Variants in APIP observed in about 807,000 individuals in gnomAD.
The protein encoded by APIP is methylthioribulose-1-phosphate dehydratase.
APIP carries 32 observed loss-of-function variants against 32.0 expected under a neutral mutation model. The observed-to-expected ratio is 1.00, with a 90% CI of 0.76 to 1.34. APIP has a LOEUF of 1.34. Among genes scored for constraint, APIP ranks in the 40% most tolerant of loss-of-function variants. APIP has a pLI of 0.00. For missense variants in APIP, 247 were observed against 298.6 expected (o/e 0.83, Z 1.27); for synonymous variants, 92 against 94.8 (o/e 0.97, Z 0.17).
rs774319216 is a variant in APIP, at chr11:34,882,805, T to C, written c.641A>G (p.Tyr214Cys). 2.1e-5 allele frequency: 33 copies of C among 1,605,770 alleles called. No homozygotes were observed. The East Asian group carries it at 7.2e-4, about 35-fold the overall frequency. Residue 214 changes from tyrosine to cysteine, a missense_variant, in exon 7 of 7, where the codon TAT becomes TGT. Tyr to Cys is a radical substitution (Grantham distance 194). Transcript: ENST00000395787. ...TACGGCAATATCAAATAAATAGTCATAACACTCACACCTGTAAAAGAAAAA... is the reference window on the plus strand; with the variant it reads ...TACGGCAATATCAAATAAATAGTCACAACACTCACACCTGTAAAAGAAAAA... ...WEKAKTMCECYDYLFDIAVSM... is the reference protein window; with the variant it reads ...WEKAKTMCECCDYLFDIAVSM...
intron 2 of APIP, among the ~76,000 whole-genome samples, chr11:34,894,363 T>C (rs1203158069): frequency 6.6e-6 from 1 of 150,462 alleles, no homozygotes; most frequent in Non-Finnish European, 1.5e-5. Flanking sequence ...GTCATCTGTA[T>C]TTAAGTGACT....
intron 1 of APIP, among the ~76,000 whole-genome samples, chr11:34,898,884 C>T (rs1161712186): frequency 2.7e-5 from 4 of 150,414 alleles, no homozygotes; most frequent in East Asian, 2.0e-4. Context: ...CTGCAAGCTC[C>T]GCCTCCCGGG....
intron 5 of APIP, among the ~76,000 whole-genome samples, chr11:34,888,038 T>A (rs1430951741): frequency 2.0e-5 from 3 of 152,094 alleles, no homozygotes; most frequent in Non-Finnish European, 4.4e-5. Context: ...TCAGTCAAGA[T>A]TTTTTTCAGT....
chr11:34,909,033 T>C (rs1417434347), intron 1 of APIP, among the ~76,000 whole-genome samples: 1 of 152,050 alleles, frequency 6.6e-6, no homozygotes, highest in Non-Finnish European at 1.5e-5. Flanking sequence ...AAGGCAGTGG[T>C]CAAGAAAGCA....
chr11:34,888,293 C>T lies in APIP; in HGVS notation c.461G>A (p.Arg154Lys). 1 of 1,581,442 alleles carries T rather than the reference C, an allele frequency of 6.3e-7. No homozygotes were observed. Among genetic ancestry groups the T allele is most frequent in the Non-Finnish European group, 8.6e-7 (1 of 1,168,702 alleles). ...IKKCTSGGYY[R>K]YDDMLVVPII... ...TTTAAGAAAAAGGAAAAAAAAATAC[C>T]TATAATACCCTCCGGAAGTACATTT... The change falls in exon 5 of 7, where the codon AGA (arginine) becomes AAA (lysine). Residue 154 changes from arginine (R) to lysine (K), a missense_variant and splice_region_variant. Coordinates refer to ENST00000395787, the MANE Select transcript of APIP (RefSeq NM_015957.4).
rs1454015803 is a variant in APIP, at chr11:34,888,539, T to C, written c.326-111A>G. The C allele has an allele frequency of 3.4e-6, 5 of 1,454,286 alleles. No individual in the cohort carries two copies. In the African/African-American group the frequency reaches 5.8e-5, roughly 17 times the overall value. The allele number at this position is 1,454,286 out of a possible 1,614,324, so 90.1% of individuals were successfully genotyped here. A position where few individuals can be genotyped will look rare whatever the true frequency, so the allele number is the denominator to read the frequency against. On this transcript the variant is annotated intron_variant, in intron 4 of 6. Coordinates refer to ENST00000395787, the MANE Select transcript of APIP (RefSeq NM_015957.4). ...ATTTACATATGGTTATGGGCTTATT[T>C]TTCCTGGCATGGAATAAGTTGGTAG...
chr11:34,898,786 G>GTTTTTTTTTTTTTTTTTTT (rs57593563), intron 1 of APIP, among the ~76,000 whole-genome samples: 2 of 55,166 alleles, frequency 3.6e-5, no homozygotes, highest in African/African-American at 1.7e-4. Context: ...TCTTTCTTTG[G>GTTTTTTTTTTTTTTTTTTT]TTTTTTTTTT....
intron 2 of APIP, among the ~76,000 whole-genome samples, chr11:34,891,925 A>G (rs1023193373): frequency 6.6e-6 from 1 of 152,172 alleles, no homozygotes; most frequent in Non-Finnish European, 1.5e-5. Context: ...ACCTCCACAG[A>G]TAAGTGGACT....
intron 1 of APIP, among the ~76,000 whole-genome samples, chr11:34,907,921 T>C (rs1853483810): frequency 6.6e-6 from 1 of 152,168 alleles, no homozygotes; most frequent in Admixed American, 6.5e-5. Flanking sequence ...GTCTCCGAGA[T>C]ACTACTCACA....
At chr11:34,915,238 C>T (rs552094572) in intron 1 of APIP, among the ~76,000 whole-genome samples, 1 of 152,198 alleles carries the variant, frequency 6.6e-6, no homozygotes, top group Non-Finnish European at 1.5e-5. Flanking sequence ...CAGGAACGAT[C>T]TCCAGTTACC....
At chr11:34,902,633 T>C (rs1226017567) in intron 1 of APIP, among the ~76,000 whole-genome samples, 1 of 152,154 alleles carries the variant, frequency 6.6e-6, no homozygotes, top group East Asian at 1.9e-4. Flanking sequence ...TATGGTGAAA[T>C]AGCCCGTCCA....
intron 1 of APIP, among the ~76,000 whole-genome samples, chr11:34,911,174 G>A (rs1444479502): frequency 6.6e-6 from 1 of 152,080 alleles, no homozygotes; most frequent in Non-Finnish European, 1.5e-5. Flanking sequence ...AGAAGGATAT[G>A]ACCATGGGAA....
chr11:34,883,612 GA>G, intron 5 of APIP, 108 bp from the exon 6 acceptor site: 2 of 1,078,006 alleles, frequency 1.9e-6, no homozygotes, highest in Non-Finnish European at 2.6e-6. Flanking sequence ...GTTTGTGTCT[GA>G]AAAGCCACTC....
chr11:34,913,820 G>A (rs150491577), intron 1 of APIP, among the ~76,000 whole-genome samples: 6 of 152,260 alleles, frequency 3.9e-5, no homozygotes, highest in East Asian at 1.9e-4. Context: ...ACAGAGCGCC[G>A]ATTGGTGCAT....
chr11:34,888,801 T>G lies in APIP; in HGVS notation c.276A>C (p.Leu92=). ...DISGPSPSKK[L]KKSQCTPLFM... is the part of the protein sequence containing the mutation. ...AAAGAGGAGTACACTGGCTTTTTTT[T>G]AGCTTCTTCGATGGCGAAGGTCCAC... Residue 92 remains leucine, a synonymous_variant, in exon 4 of 7, where the codon CTA becomes CTC. Transcript: ENST00000395787. The G allele has an allele frequency of 6.6e-7, 1 of 1,521,008 alleles. No homozygotes were observed. Among genetic ancestry groups the G allele is most frequent in the East Asian group, 2.6e-5 (1 of 38,428 alleles). 94.2% of individuals were successfully genotyped at this position (1,521,008 alleles called of 1,614,324 possible).
intron 1 of APIP, among the ~76,000 whole-genome samples, chr11:34,897,959 T>C (rs1052535033): frequency 6.6e-6 from 1 of 152,098 alleles, no homozygotes; most frequent in Non-Finnish European, 1.5e-5. Flanking sequence ...CTCTCTCTGC[T>C]TGGAGCCACC....
chr11:34,888,984 C>T (rs1853138361), intron 3 of APIP, 115 bp from the exon 4 acceptor site: 1 of 497,696 alleles, frequency 2.0e-6, no homozygotes, highest in African/African-American at 2.0e-5. Context: ...CTATAGTATA[C>T]ATACTTGTGT....
chr11:34,891,048 TTCTTAAATTACTGTATTA>T (rs1367643908), intron 2 of APIP, among the ~76,000 whole-genome samples: 5 of 152,142 alleles, frequency 3.3e-5, no homozygotes, highest in Non-Finnish European at 1.5e-5. Flanking sequence ...GCTGGACAGT[TTCTTAAATTACTGTATTA>T]ACACTGGGCT....
At chr11:34,898,182 A>G (rs1482577996) in intron 1 of APIP, among the ~76,000 whole-genome samples, 1 of 152,128 alleles carries the variant, frequency 6.6e-6, no homozygotes, top group Non-Finnish European at 1.5e-5. Flanking sequence ...GAGCAAGCTT[A>G]AAATCTGTTC....
Sources: allele counts gnomAD v4.1 joint callset (sites outside exome capture counted in the v4.1 genomes callset), GRCh38; gene constraint gnomAD v4.1.1; transcripts MANE v1.5; gene names NCBI Gene and HGNC (gene_info 2026-07-23, HGNC 2026-07-21).